KCNC1: variants seen among roughly 807,000 people sequenced by gnomAD.
The protein encoded by KCNC1 is voltage-gated potassium channel KCNC1.
A neutral mutation model predicts 43.4 loss-of-function variants in KCNC1; 8 were observed. The ratio of observed to expected loss-of-function variants is 0.18; its 90% CI spans 0.11 to 0.33. The LOEUF is 0.33. Among genes scored for constraint, KCNC1 ranks in the 10% least tolerant of loss-of-function variants. The pLI is 1.00. For missense variants in KCNC1, 420 were observed against 836.0 expected (o/e 0.50, Z 6.14); for synonymous variants, 361 against 360.5 (o/e 1.00, Z -0.01).
chr11:17,736,932 C>A lies in KCNC1; in HGVS notation c.570+360C>A, dbSNP rs190672348. Among the ~76,000 whole-genome samples, 1 of 152,124 alleles carries A rather than the reference C, an allele frequency of 6.6e-6. No individual in the cohort carries two copies. The highest frequency in any genetic ancestry group is 1.5e-5 in the Non-Finnish European group (1 of 68,030). On this transcript the variant is annotated intron_variant, in intron 1 of 3. Transcript: ENST00000265969. This position sits in a 1 kb window ranked among gnomAD's most constrained non-coding sequence, Gnocchi z 9.3. The stretch of plus-strand genomic sequence containing the variant: ...GTGTATGTTCGAGTGTGCATGAGCG[C>A]CTGCCCGTGAACATTTGTGTCTTTG...
chr11:17,764,630 G>A (rs561391978), intron 1 of KCNC1, among the ~76,000 whole-genome samples: 90 of 152,332 alleles, frequency 5.9e-4, no homozygotes, highest in African/African-American at 2.1e-3. Context: ...GCACCTTGGG[G>A]AGCTCCTCCC....
rs1849028903 is a variant in KCNC1, at chr11:17,756,910, T to C, written c.571-14755T>C. 1.3e-5 allele frequency among the ~76,000 whole-genome samples: 2 copies of C among 152,182 alleles called. 1 individual carries two copies. The highest frequency in any genetic ancestry group is 4.1e-4 in the South Asian group (2 of 4,824). On this transcript the variant is annotated intron_variant, in intron 1 of 3. Coordinates refer to ENST00000265969, the MANE Select transcript of KCNC1 (RefSeq NM_001112741.2). ...TATAAGTGGAAGTAATAGAGCATAGTGGTTTTGGAGTCAGAGAGACCTGGT... is the reference window on the plus strand; with the variant it reads ...TATAAGTGGAAGTAATAGAGCATAGCGGTTTTGGAGTCAGAGAGACCTGGT...
intron 1 of KCNC1, among the ~76,000 whole-genome samples, chr11:17,764,749 GA>G (rs1387502370): frequency 6.6e-6 from 1 of 152,278 alleles, no homozygotes; most frequent in East Asian, 1.9e-4. Flanking sequence ...ACAAAAAAGG[GA>G]CTGGACCCCT....
chr11:17,776,571 A>C lies in KCNC1; in HGVS notation c.1505-2885A>C. ...GCAGATGCTCATCTCAGCCCATTTC[A>C]AGCCTGGAAACCATCTCTGAGACGC... On this transcript the variant is annotated intron_variant, in intron 2 of 3. Transcript: ENST00000265969. The surrounding 1 kb of genome is among the most constrained non-coding windows in gnomAD (Gnocchi z 4.4). 2.0e-6 allele frequency: 2 copies of C among 985,338 alleles called. No homozygotes were observed. Among genetic ancestry groups the C allele is most frequent in the Non-Finnish European group, 2.4e-6 (2 of 829,920 alleles). 61.0% of individuals were successfully genotyped at this position (985,338 alleles called of 1,614,324 possible). A position where few individuals can be genotyped will look rare whatever the true frequency, so the allele number is the denominator to read the frequency against.
intron 1 of KCNC1, among the ~76,000 whole-genome samples, chr11:17,751,354 T>C (rs1220753452): frequency 6.6e-6 from 1 of 152,170 alleles, no homozygotes; most frequent in East Asian, 1.9e-4. Context: ...GAGGGACATA[T>C]GGATTGAAGG....
chr11:17,753,157 G>A (rs1053458995), intron 1 of KCNC1, among the ~76,000 whole-genome samples: 44 of 152,330 alleles, frequency 2.9e-4, no homozygotes, highest in Admixed American at 5.9e-4. Context: ...ACAGGAACCC[G>A]AAGGTGTCTG....
rs115189933 is a variant in KCNC1 at position 17,743,725 on chromosome 11, G to A, written c.570+7153G>A. On this transcript the variant is annotated intron_variant, in intron 1 of 3. Coordinates refer to ENST00000265969, the MANE Select transcript of KCNC1 (RefSeq NM_001112741.2). ...GCCACAGCTCCTGCGGCTCCCTTCCGCCAGCCTCCTCCCTGGTCCTCATTG... is the reference window on the plus strand; with the variant it reads ...GCCACAGCTCCTGCGGCTCCCTTCCACCAGCCTCCTCCCTGGTCCTCATTG... 2.0e-3 allele frequency among the ~76,000 whole-genome samples: 301 copies of A among 152,310 alleles called. 3 individuals are homozygous for A. Among genetic ancestry groups the A allele is most frequent in the African/African-American group, 7.0e-3 (289 of 41,570 alleles).
At position 17,773,564 on chromosome 11, in the gene KCNC1, G is replaced by C. The variant is rs181867463; in HGVS notation, c.1504+966G>C. On this transcript the variant is annotated intron_variant, in intron 2 of 3. Transcript: ENST00000265969. This position sits in a 1 kb window ranked among gnomAD's most constrained non-coding sequence, Gnocchi z 4.1. The stretch of plus-strand genomic sequence containing the variant: ...CCCGTGAATTCACTGGGGGCCGGGA[G>C]GGGGGAGGGGGGCATGAAACAATAC... 7 of 984,832 alleles carry C rather than the reference G, an allele frequency of 7.1e-6. No individual in the cohort carries two copies. The highest frequency in any genetic ancestry group is 5.3e-5 in the African/African-American group (3 of 57,120). The allele number at this position is 984,832 out of a possible 1,614,324, so 61.0% of individuals were successfully genotyped here.
intron 1 of KCNC1, among the ~76,000 whole-genome samples, chr11:17,754,023 C>T (rs956650098): frequency 9.9e-5 from 15 of 152,198 alleles, no homozygotes; most frequent in African/African-American, 3.1e-4. Context: ...TGACCTTGTG[C>T]GCACTCTCCA....
Position 17,736,368 on chromosome 11 carries a change from C to T in KCNC1, c.366C>T (p.Phe122=), listed in dbSNP as rs781589749. Residue 122 remains phenylalanine (F), a synonymous_variant, in exon 1 of 4, where the codon TTC becomes TTT. Transcript: ENST00000265969. This position sits in a 1 kb window ranked among gnomAD's most constrained non-coding sequence, Gnocchi z 9.3. Reference sequence around the variant, plus strand: ...ACGCCGAGGAGGCTCTGGACAGCTTCGGCGGCGCTCCTCTGGACAACAGCG... The same window carrying T: ...ACGCCGAGGAGGCTCTGGACAGCTTTGGCGGCGCTCCTCTGGACAACAGCG... ...HRDAEEALDS[F]GGAPLDNSAD... 4 of 1,612,156 alleles carry T rather than the reference C, an allele frequency of 2.5e-6. No homozygotes were observed. Among genetic ancestry groups the T allele is most frequent in the South Asian group, 1.1e-5 (1 of 90,976 alleles).
At chr11:17,747,248 C>G (rs1425048047) in intron 1 of KCNC1, among the ~76,000 whole-genome samples, 1 of 152,182 alleles carries the variant, frequency 6.6e-6, no homozygotes, top group Non-Finnish European at 1.5e-5. Context: ...CTGGGCAGGT[C>G]ACAACCCCTG....
rs756211005 is a variant in KCNC1 at position 17,778,637 on chromosome 11, G to A, written c.1505-819G>A. Among the ~76,000 whole-genome samples the A allele has an allele frequency of 7.8e-4, 119 of 152,194 alleles. 2 individuals are homozygous for A. Among genetic ancestry groups the A allele is most frequent in the Non-Finnish European group, 2.8e-4 (19 of 68,046 alleles). Reference sequence around the variant, plus strand: ...GCTTGGGTCCGTCCATGTGGGGGACGGAGCAGATGGAGTGGTCAAATTGGG... The same window carrying A: ...GCTTGGGTCCGTCCATGTGGGGGACAGAGCAGATGGAGTGGTCAAATTGGG... On this transcript the variant is annotated intron_variant, in intron 2 of 3. Transcript: ENST00000265969.
Position 17,782,085 on chromosome 11 carries a change from A to G in KCNC1, c.*351A>G, listed in dbSNP as rs958148627. 4.1e-6 allele frequency: 1 copy of G among 242,236 alleles called. No homozygotes were observed. The highest frequency in any genetic ancestry group is 7.8e-6 in the Non-Finnish European group (1 of 127,580). 15.0% of individuals were successfully genotyped at this position (242,236 alleles called of 1,614,324 possible). A position where few individuals can be genotyped will look rare whatever the true frequency, so the allele number is the denominator to read the frequency against. Reference sequence around the variant, plus strand: ...ACCCTGAACAACAATAATGAAAAGAAAAACATCAAAGCCCTCTATTTTCTT... The same window carrying G: ...ACCCTGAACAACAATAATGAAAAGAGAAACATCAAAGCCCTCTATTTTCTT... On this transcript the variant is annotated 3_prime_UTR_variant, in exon 4 of 4. Transcript: ENST00000265969.
At chr11:17,756,520 AACAC>A (rs3051818) in intron 1 of KCNC1, among the ~76,000 whole-genome samples, 23,156 of 143,740 alleles carry the variant, frequency 0.16, 1,885 homozygotes, top group South Asian at 0.26. Context: ...CTTCCCTCCA[AACAC>A]ACACACACAC....
chr11:17,747,771 C>T (rs1012337397), intron 1 of KCNC1, among the ~76,000 whole-genome samples: 1 of 152,176 alleles, frequency 6.6e-6, no homozygotes, highest in Non-Finnish European at 1.5e-5. Flanking sequence ...TTCTCTCAAG[C>T]CTCTGCAGGG....
chr11:17,760,985 TGAG>T (rs1849071414), intron 1 of KCNC1, among the ~76,000 whole-genome samples: 6 of 152,322 alleles, frequency 3.9e-5, no homozygotes, highest in Non-Finnish European at 5.9e-5. Flanking sequence ...AGCTCTGGCT[TGAG>T]CCCCACTCAT....
chr11:17,781,855 C>T lies in KCNC1; in HGVS notation c.*121C>T. 1.4e-6 allele frequency: 1 copy of T among 691,542 alleles called. No individual in the cohort carries two copies. Among genetic ancestry groups the T allele is most frequent in the Non-Finnish European group, 2.6e-6 (1 of 387,264 alleles). The allele number at this position is 691,542 out of a possible 1,614,324, so 42.8% of individuals were successfully genotyped here. ...AGGTTTGCCGGACGAGTCCGAGTGG[C>T]CCAGGCATTGTACTAGGACGGACGT... On this transcript the variant is annotated 3_prime_UTR_variant, in exon 4 of 4. Transcript: ENST00000265969. This position sits in a 1 kb window ranked among gnomAD's most constrained non-coding sequence, Gnocchi z 5.1.
chr11:17,774,749 C>T (rs1055837471), intron 2 of KCNC1: 36 of 985,336 alleles, frequency 3.7e-5, no homozygotes, highest in Non-Finnish European at 1.4e-5. Context: ...CCCTCACAAG[C>T]TTGCCCTCTG....
In KCNC1 at chr11:17,771,385, C is replaced by T. The variant is rs1173767981; in HGVS notation, c.571-280C>T. 6.6e-6 allele frequency among the ~76,000 whole-genome samples: 1 copy of T among 152,226 alleles called. No homozygotes were observed. Among genetic ancestry groups the T allele is most frequent in the Non-Finnish European group, 1.5e-5 (1 of 68,048 alleles). On this transcript the variant is annotated intron_variant, in intron 1 of 3. Coordinates refer to ENST00000265969, the MANE Select transcript of KCNC1 (RefSeq NM_001112741.2). The surrounding 1 kb of genome is among the most constrained non-coding windows in gnomAD (Gnocchi z 4.7). ...GCTGATGTCTTTCTTTTCAGGGACC[C>T]AGGCTCCTTCCCTCTGTAGTTATAC...
Sources: allele counts gnomAD v4.1 joint callset (sites outside exome capture counted in the v4.1 genomes callset), GRCh38; gene constraint gnomAD v4.1.1; non-coding constraint Gnocchi (gnomAD v3.1); transcripts MANE v1.5; gene names NCBI Gene and HGNC (gene_info 2026-07-23, HGNC 2026-07-21).